MSH5: variants seen among roughly 807,000 people sequenced by gnomAD.
MSH5 encodes mutS homolog 5.
MSH5 carries 78 observed loss-of-function variants against 107.7 expected under a neutral mutation model. That is an observed-to-expected ratio of 0.72 (90% CI 0.60 to 0.87). The LOEUF (loss-of-function observed/expected upper bound fraction) is 0.87, where lower values mean the gene tolerates loss of function less well. Ranked by LOEUF, MSH5 falls within the 40% of genes least tolerant of loss-of-function variation. MSH5 has a pLI of 0.00. For synonymous variants in MSH5, 326 were observed against 399.5 expected, an observed-to-expected ratio of 0.82 and a Z score of 2.19; for missense variants, 889 against 1,046.6, an observed-to-expected ratio of 0.85 and a Z score of 2.08.
intron 12 of MSH5, chr6:31,757,192 AG>A (rs1810517345): frequency 6.6e-6 from 1 of 151,846 alleles, no homozygotes; most frequent in African/African-American, 2.4e-5. Context: ...TTGCCCAGGC[AG>A]GAGTGCAGTG....
chr6:31,744,470 C>G (rs781563557), intron 7 of MSH5, 76 bp from the exon 8 acceptor site: 7 of 1,574,586 alleles, frequency 4.4e-6, no homozygotes, highest in Non-Finnish European at 6.1e-6. Flanking sequence ...GGACAATATT[C>G]AGAGAGGGGG....
In MSH5 at chr6:31,753,381, A is replaced by C. The variant is rs774971042; in HGVS notation, c.893A>C (p.Gln298Pro). ...LDVIQFFLLPQNLDMAQMLHR... is the reference protein window; with the variant it reads ...LDVIQFFLLPPNLDMAQMLHR... ...GTCATTCAGTTTTTTCTGCTGCCCC[A>C]GAATCTGGACATGGCTCAGATGCTG... Residue 298 changes from glutamine (Q) to proline (P), a missense_variant, in exon 11 of 25, where the codon CAG becomes CCG. By Grantham distance (76) the Gln-to-Pro change is moderately conservative. This residue lies in a region of MSH5 where 518 missense variants were observed against 565.0 expected (regional missense o/e 0.92). Coordinates refer to ENST00000375750, the MANE Select transcript of MSH5 (RefSeq NM_172166.4). 1 of 1,614,178 alleles carries C rather than the reference A, an allele frequency of 6.2e-7. No individual in the cohort carries two copies.
intron 3 of MSH5, among the ~76,000 whole-genome samples, chr6:31,741,999 C>T (rs1158405708): frequency 6.6e-6 from 1 of 152,008 alleles, no homozygotes; most frequent in Non-Finnish European, 1.5e-5. Flanking sequence ...TCATACCCAC[C>T]AACACACTCC....
chr6:31,755,772 TG>T (rs1810395121), intron 12 of MSH5, among the ~76,000 whole-genome samples: 1 of 152,108 alleles, frequency 6.6e-6, no homozygotes, highest in African/African-American at 2.4e-5. Flanking sequence ...CTGAGACTAT[TG>T]GTGTGAGCCA....
Position 31,743,177 on chromosome 6 carries a change from C to G in MSH5, c.415+7C>G. The G allele has an allele frequency of 6.2e-7, 1 of 1,612,704 alleles. No homozygotes were observed. The highest frequency in any genetic ancestry group is 8.5e-7 in the Non-Finnish European group (1 of 1,179,804). On this transcript the variant is annotated splice_region_variant and intron_variant, in intron 5 of 24. Coordinates refer to ENST00000375750, the MANE Select transcript of MSH5 (RefSeq NM_172166.4). ...TTGCCAAGTGTGGATTTTGGTATCT[C>G]CTTCCTTTTGCTTTGCCTAACTCCC...
intron 6 of MSH5, 33 bp from the exon 7 acceptor site, chr6:31,744,157 T>C (rs1215921764): frequency 6.3e-7 from 1 of 1,598,530 alleles, no homozygotes; most frequent in Admixed American, 1.7e-5. Context: ...AGATTTAAGA[T>C]TTACCCCGAT....
chr6:31,740,424 C>G lies in MSH5; in HGVS notation c.-13-30C>G, dbSNP rs17201088. ...CGGCCTCCTCTGTGAATCGTTGCTT[C>G]CGAACCGCCCTCACTTTTTGCATCC... On this transcript the variant is annotated intron_variant, in intron 1 of 24. Transcript: ENST00000375750. The surrounding 1 kb of genome is among the most constrained non-coding windows in gnomAD (Gnocchi z 4.4). 1 of 1,541,874 alleles carries G rather than the reference C, an allele frequency of 6.5e-7. No individual in the cohort carries two copies. Among genetic ancestry groups the G allele is most frequent in the Non-Finnish European group, 8.7e-7 (1 of 1,143,136 alleles).
intron 2 of MSH5, 119 bp from the exon 3 acceptor site, chr6:31,741,044 A>G (rs1013437068): frequency 3.4e-5 from 44 of 1,294,810 alleles, no homozygotes; most frequent in Non-Finnish European, 4.3e-5. Context: ...CATTCACTAA[A>G]TGGGGGTGAT....
At chr6:31,743,235 A>G in intron 5 of MSH5, 65 bp downstream of exon 5, 1 of 1,516,114 alleles carries the variant, frequency 6.6e-7, no homozygotes, top group Non-Finnish European at 9.2e-7. Flanking sequence ...CCCCAACTCT[A>G]CCTTCATCAT....
Position 31,744,133 on chromosome 6 carries a change from C to T in MSH5, c.538-57C>T, listed in dbSNP as rs374780489. ...GAAAATAGTAACTTTCCCTGGTGCT[C>T]TGCAGCCCCCAGGAGATTTAAGATT... is the stretch of plus-strand genomic sequence containing the variant. On this transcript the variant is annotated intron_variant, in intron 6 of 24. Coordinates refer to ENST00000375750, the MANE Select transcript of MSH5 (RefSeq NM_172166.4). 44 of 1,594,422 alleles carry T rather than the reference C, an allele frequency of 2.8e-5. No homozygotes were observed. The African/African-American group carries it at 5.2e-4, about 19-fold the overall frequency.
rs1810783197 is a variant in MSH5, at chr6:31,759,624, C to T, written c.1495+112C>T. 2.2e-6 allele frequency: 3 copies of T among 1,358,512 alleles called. No individual in the cohort carries two copies. Among genetic ancestry groups the T allele is most frequent in the South Asian group, 2.5e-5 (2 of 81,396 alleles). 84.2% of individuals were successfully genotyped at this position (1,358,512 alleles called of 1,614,324 possible). On this transcript the variant is annotated intron_variant, in intron 17 of 24. Transcript: ENST00000375750. The surrounding 1 kb of genome is among the most constrained non-coding windows in gnomAD (Gnocchi z 4.7). ...ATGCTTCCAACAGGCCCCTCCTCTT[C>T]CTGCTCTCTGTCTCGCTCACTCTGA... is the stretch of plus-strand genomic sequence containing the variant.
In MSH5 at chr6:31,740,414, A is replaced by C; in HGVS notation, c.-13-40A>C. 3.3e-6 allele frequency: 5 copies of C among 1,537,996 alleles called. No individual in the cohort carries two copies. The highest frequency in any genetic ancestry group is 4.4e-6 in the Non-Finnish European group (5 of 1,141,382). On this transcript the variant is annotated intron_variant, in intron 1 of 24. Coordinates refer to ENST00000375750, the MANE Select transcript of MSH5 (RefSeq NM_172166.4). The surrounding 1 kb of genome is among the most constrained non-coding windows in gnomAD (Gnocchi z 4.4). ...CACCCTACCCCGGCCTCCTCTGTGA[A>C]TCGTTGCTTCCGAACCGCCCTCACT...
At chr6:31,752,107 T>C (rs1810009850) in intron 10 of MSH5, among the ~76,000 whole-genome samples, 1 of 142,564 alleles carries the variant, frequency 7.0e-6, no homozygotes, top group Admixed American at 7.0e-5. Context: ...TCAAAAATAA[T>C]AATAATAATA....
In MSH5 at chr6:31,759,241, G is replaced by A. The variant is rs757948610; in HGVS notation, c.1407+64G>A. ...AATGAGTCAGCAGCTGAGGAAGAGC[G>A]TTACTCTACAGCAGCACTGCCCAAT... On this transcript the variant is annotated intron_variant, in intron 16 of 24. Transcript: ENST00000375750. The surrounding 1 kb of genome is among the most constrained non-coding windows in gnomAD (Gnocchi z 4.7). The A allele has an allele frequency of 2.6e-5, 38 of 1,477,654 alleles. No homozygotes were observed. The highest frequency in any genetic ancestry group is 2.3e-4 in the Admixed American group (14 of 59,862). 91.5% of individuals were successfully genotyped at this position (1,477,654 alleles called of 1,614,324 possible).
rs138015643 is a variant in MSH5, at chr6:31,745,527, T to C, written c.766+208T>C. The stretch of plus-strand genomic sequence containing the variant: ...TTTGTGGCTGTACAGTGTTGTTGCA[T>C]ATCAGCCATTACTTTACCAATTCTG... On this transcript the variant is annotated intron_variant, in intron 9 of 24. Transcript: ENST00000375750. Among the ~76,000 whole-genome samples the C allele has an allele frequency of 8.1e-4, 123 of 151,990 alleles. No individual in the cohort carries two copies. In the Middle Eastern group the frequency reaches 0.02, roughly 25 times the overall value.
At chr6:31,744,052 C>T in intron 6 of MSH5, 27 bp downstream of exon 6, 2 of 1,613,220 alleles carry the variant, frequency 1.2e-6, no homozygotes, top group Non-Finnish European at 1.7e-6. Flanking sequence ...GGGATAAGGG[C>T]TGGGAGGCGG....
In MSH5 at chr6:31,743,230, A is replaced by T; in HGVS notation, c.415+60A>T. 6 of 1,539,382 alleles carry T rather than the reference A, an allele frequency of 3.9e-6. No homozygotes were observed. In the South Asian group the frequency reaches 6.7e-5, roughly 17 times the overall value. ...TTCCGGTGTCCCATTCTTTCCCCCA[A>T]CTCTACCTTCATCATCACAGATCTC... is the stretch of plus-strand genomic sequence containing the variant. On this transcript the variant is annotated intron_variant, in intron 5 of 24. Transcript: ENST00000375750.
chr6:31,748,537 C>T (rs1170073955), intron 10 of MSH5, among the ~76,000 whole-genome samples: 1 of 151,386 alleles, frequency 6.6e-6, no homozygotes, highest in Admixed American at 6.6e-5. Context: ...TCAGTAGAGG[C>T]GGGGTTTCAC....
rs1810815234 is a variant in MSH5 at position 31,759,886 on chromosome 6, G to A, written c.1596G>A (p.Leu532=). ...VLDLASRLDV[L]LALASAARDY... is the part of the protein sequence containing the mutation. ...ACCTTGCCTCCCGCCTGGACGTCCT[G>A]CTGGCTCTTGCCAGTGCTGCCCGGG... Residue 532 remains leucine (L), a synonymous_variant, in exon 18 of 25, where the codon CTG becomes CTA. Coordinates refer to ENST00000375750, the MANE Select transcript of MSH5 (RefSeq NM_172166.4). The surrounding 1 kb of genome is among the most constrained non-coding windows in gnomAD (Gnocchi z 4.7). 1 of 1,614,062 alleles carries A rather than the reference G, an allele frequency of 6.2e-7. No individual in the cohort carries two copies. The highest frequency in any genetic ancestry group is 1.3e-5 in the African/African-American group (1 of 74,932).
Sources: allele counts gnomAD v4.1 joint callset (sites outside exome capture counted in the v4.1 genomes callset), GRCh38; gene constraint gnomAD v4.1.1; regional missense constraint gnomAD v4.1.1; non-coding constraint Gnocchi (gnomAD v3.1); transcripts MANE v1.5; gene names NCBI Gene and HGNC (gene_info 2026-07-23, HGNC 2026-07-21).